Variants in KIAA1755 observed in about 807,000 individuals in gnomAD.
KIAA1755 encodes the protein KIAA1755.
Under a neutral mutation model 91.7 loss-of-function variants are expected in KIAA1755, and 68 were observed. The ratio of observed to expected loss-of-function variants is 0.74; its 90% CI spans 0.61 to 0.91. The LOEUF is 0.91. KIAA1755 is among the 40% of genes least tolerant of loss of function. The pLI is 0.00. For synonymous variants in KIAA1755, 610 were observed against 604.6 expected (o/e 1.01, Z -0.13); for missense variants, 1,535 against 1,494.4 (o/e 1.03, Z -0.45).
In KIAA1755 at chr20:38,239,509, T is replaced by C. The variant is rs1332545207; in HGVS notation, c.1747+19A>G. 4 of 1,612,616 alleles carry C rather than the reference T, an allele frequency of 2.5e-6. No individual in the cohort carries two copies. The highest frequency in any genetic ancestry group is 3.4e-6 in the Non-Finnish European group (4 of 1,179,350). ...CCCCAGCTCCCTCCCTACCACCTCC[T>C]GCTTGAATCCCCTGGAACCTGGCAG... is the stretch of plus-strand genomic sequence containing the variant. On this transcript the variant is annotated intron_variant, in intron 4 of 13. Transcript: ENST00000279024.
At chr20:38,253,304 A>ACT (rs2076284669) in intron 1 of KIAA1755, among the ~76,000 whole-genome samples, 11 of 152,312 alleles carry the variant, frequency 7.2e-5, no homozygotes, top group Admixed American at 5.9e-4. Context: ...AGCGGTTATA[A>ACT]CCTGGGCAGG....
At chr20:38,240,206 G>C (rs1188851020) in intron 3 of KIAA1755, among the ~76,000 whole-genome samples, 1 of 152,006 alleles carries the variant, frequency 6.6e-6, no homozygotes, top group Non-Finnish European at 1.5e-5. Context: ...AAAGCACTGG[G>C]ATTACAGGAT....
chr20:38,255,175 CAA>C (rs771185970), intron 1 of KIAA1755, among the ~76,000 whole-genome samples: 1 of 135,666 alleles, frequency 7.4e-6, no homozygotes. Context: ...AGATCTGTCT[CAA>C]AAAAAAAAAA....
At chr20:38,253,536 C>A (rs1295107556) in intron 1 of KIAA1755, among the ~76,000 whole-genome samples, 1 of 152,150 alleles carries the variant, frequency 6.6e-6, no homozygotes, top group African/African-American at 2.4e-5. Context: ...ACTCTCCCAC[C>A]CCTGACTATT....
chr20:38,240,022 G>A (rs538950136), intron 3 of KIAA1755, among the ~76,000 whole-genome samples: 6 of 152,178 alleles, frequency 3.9e-5, no homozygotes, highest in African/African-American at 9.6e-5. Context: ...TCAGCCTCCC[G>A]AGTAGCTGGG....
chr20:38,228,140 C>T lies in KIAA1755; in HGVS notation c.1965+7G>A, dbSNP rs2075793487. 1 of 1,589,344 alleles carries T rather than the reference C, an allele frequency of 6.3e-7. No homozygotes were observed. The highest frequency in any genetic ancestry group is 8.6e-7 in the Non-Finnish European group (1 of 1,168,308). The stretch of plus-strand genomic sequence containing the variant: ...TACTAGGCTAAGGCTCTCCACCTCC[C>T]ACTCACCTGGGTGGCCTGCAGGGCG... On this transcript the variant is annotated splice_region_variant and intron_variant, in intron 6 of 13. Transcript: ENST00000279024.
At position 38,217,689 on chromosome 20, in the gene KIAA1755, G is replaced by T. The variant is rs1248721542; in HGVS notation, c.2680-215C>A. The T allele has an allele frequency of 6.8e-6, 4 of 590,512 alleles. No individual in the cohort carries two copies. The East Asian group carries it at 8.4e-5, about 12-fold the overall frequency. 36.6% of individuals were successfully genotyped at this position (590,512 alleles called of 1,614,324 possible). ...ATTAAGAGCAGTTATCACGCTTCTGGAAGTCTCCAGGCCCTCGCCATGGCA... is the reference window on the plus strand; with the variant it reads ...ATTAAGAGCAGTTATCACGCTTCTGTAAGTCTCCAGGCCCTCGCCATGGCA... On this transcript the variant is annotated intron_variant, in intron 12 of 13. Coordinates refer to ENST00000279024, the MANE Select transcript of KIAA1755 (RefSeq NM_001029864.2).
At position 38,223,576 on chromosome 20, in the gene KIAA1755, C is replaced by T. The variant is rs139388351; in HGVS notation, c.2230G>A (p.Glu744Lys). ...GGGGGGTCGGCCTTCTCGAATTCCT[C>T]GATGGAAGCTTGTAGCAGGGAAGAG... ...QASSLLQASI[E>K]EFEKADPPGG... The change falls in exon 9 of 14, where the codon GAG becomes AAG. Residue 744 changes from glutamate to lysine, a missense_variant. Glu to Lys is a moderately conservative substitution (Grantham distance 56). Coordinates refer to ENST00000279024, the MANE Select transcript of KIAA1755 (RefSeq NM_001029864.2). The T allele has an allele frequency of 6.8e-5, 109 of 1,600,974 alleles. No homozygotes were observed. The African/African-American group carries it at 1.3e-3, about 19-fold the overall frequency.
At position 38,240,699 on chromosome 20, in the gene KIAA1755, C is replaced by T. The variant is rs200570038; in HGVS notation, c.1432G>A (p.Gly478Arg). The part of the protein sequence containing the change: ...TPGLKFSFLR[G>R]QRQPSVTPEK... ...GGGGTCACAGAGGGTTGCCTCTGCCCTCTCAAGAATGAGAATTTGAGCCCA... is the reference window on the plus strand; with the variant it reads ...GGGGTCACAGAGGGTTGCCTCTGCCTTCTCAAGAATGAGAATTTGAGCCCA... Residue 478 changes from glycine to arginine, a missense_variant, in exon 3 of 14, where the codon GGG becomes AGG. Physicochemically the swap from Gly to Arg is moderately radical, Grantham distance 125. Transcript: ENST00000279024. The T allele has an allele frequency of 2.7e-5, 43 of 1,564,474 alleles. No individual in the cohort carries two copies. Among genetic ancestry groups the T allele is most frequent in the Middle Eastern group, 1.7e-4 (1 of 5,828 alleles).
intron 10 of KIAA1755, among the ~76,000 whole-genome samples, chr20:38,220,864 C>T (rs2123087375): frequency 6.6e-6 from 1 of 152,312 alleles, no homozygotes; most frequent in Non-Finnish European, 1.5e-5. Flanking sequence ...GTTGGAACCC[C>T]ACCCAGGGCT....
intron 5 of KIAA1755, among the ~76,000 whole-genome samples, chr20:38,229,802 C>G (rs1272812244): frequency 6.6e-6 from 1 of 152,176 alleles, no homozygotes; most frequent in Non-Finnish European, 1.5e-5. Context: ...GATTATTTCC[C>G]TATGGTTGCA....
At chr20:38,245,460 C>T (rs1186141939) in intron 2 of KIAA1755, among the ~76,000 whole-genome samples, 1 of 152,216 alleles carries the variant, frequency 6.6e-6, no homozygotes, top group Non-Finnish European at 1.5e-5. Flanking sequence ...CTTTTCTCTC[C>T]ACTTTGCCTT....
chr20:38,224,547 C>T (rs938368164), intron 8 of KIAA1755, among the ~76,000 whole-genome samples: 8 of 152,254 alleles, frequency 5.3e-5, no homozygotes, highest in South Asian at 2.1e-4. Flanking sequence ...ACTTTGCCCC[C>T]GGGGACATTC....
chr20:38,260,664 G>T lies in KIAA1755; in HGVS notation c.-164C>A. On this transcript the variant is annotated 5_prime_UTR_variant, in exon 1 of 14. Coordinates refer to ENST00000279024, the MANE Select transcript of KIAA1755 (RefSeq NM_001029864.2). ...GACCCCGGCGTCATCTCGGAGGAGC[G>T]GCCGGGGAGGACAGGGAGAGAGACT... 1 of 716,762 alleles carries T rather than the reference G, an allele frequency of 1.4e-6. No homozygotes were observed. 44.4% of individuals were successfully genotyped at this position (716,762 alleles called of 1,614,324 possible).
rs139893045 is a variant in KIAA1755, at chr20:38,229,052, C to T, written c.1872-812G>A. ...ATCTGGCCAGTGGGTACAGGGTGGC[C>T]AGGGAATCTGTGTGGTTCCAAGCAC... On this transcript the variant is annotated intron_variant, in intron 5 of 13. Transcript: ENST00000279024. 1.3e-3 allele frequency among the ~76,000 whole-genome samples: 199 copies of T among 152,258 alleles called. 1 individual carries two copies. The highest frequency in any genetic ancestry group is 4.6e-3 in the African/African-American group (193 of 41,552).
In KIAA1755 at chr20:38,244,665, G is replaced by A. The variant is rs6123508; in HGVS notation, c.201+1264C>T. ...CAAGTTCCTGTGGTGGGCATTTGAC[G>A]GCTTGGTCTCCTCAGGCTTCTCTCA... is the stretch of plus-strand genomic sequence containing the variant. On this transcript the variant is annotated intron_variant, in intron 2 of 13. Transcript: ENST00000279024. Among the ~76,000 whole-genome samples, 962 of 152,204 alleles carry A rather than the reference G, an allele frequency of 6.3e-3. 11 individuals carry two copies. The highest frequency in any genetic ancestry group is 0.061 in the East Asian group (316 of 5,184).
At chr20:38,233,700 T>A (rs373084092) in intron 4 of KIAA1755, 6 of 152,170 alleles carry the variant, frequency 3.9e-5, no homozygotes, top group Admixed American at 2.6e-4. Flanking sequence ...CCCTGCTCTA[T>A]AACCTTCTAT....
intron 13 of KIAA1755, among the ~76,000 whole-genome samples, chr20:38,216,479 C>A (rs17790174): frequency 0.24 from 36,370 of 152,168 alleles, 4,531 homozygotes; most frequent in South Asian, 0.31. Context: ...CATGCTTTGT[C>A]CTTGGTGACA....
At chr20:38,256,156 C>T (rs557925635) in intron 1 of KIAA1755, among the ~76,000 whole-genome samples, 1 of 152,334 alleles carries the variant, frequency 6.6e-6, no homozygotes, top group Non-Finnish European at 1.5e-5. Context: ...TGTCCTGTCT[C>T]TTTCCCCGGG....
Sources: gnomAD v4.1 joint callset for allele counts (sites outside exome capture counted in the v4.1 genomes callset) on GRCh38, gnomAD v4.1.1 for gene constraint, MANE v1.5 for transcripts, NCBI Gene and HGNC (gene_info 2026-07-23, HGNC 2026-07-21) for gene names.